Variants in MACROD2 observed in about 807,000 individuals in gnomAD.
MACROD2 encodes ADP-ribose glycohydrolase MACROD2.
MACROD2 carries 36 observed loss-of-function variants against 70.4 expected under a neutral mutation model. The ratio of observed to expected loss-of-function variants is 0.51; its 90% confidence interval spans 0.39 to 0.68. The LOEUF is 0.68. Ranked by LOEUF, MACROD2 falls within the 30% of genes least tolerant of loss-of-function variation. The pLI, the probability that MACROD2 is intolerant of heterozygous loss-of-function variation, is 0.00. For synonymous variants in MACROD2, 172 were observed against 178.8 expected, an observed-to-expected ratio of 0.96 and a Z score of 0.30; for missense variants, 496 against 538.4, an observed-to-expected ratio of 0.92 and a Z score of 0.78.
At chr20:15,496,759 A>T (rs189694298) in intron 7 of MACROD2, among the ~76,000 whole-genome samples, 1 of 152,360 alleles carries the variant, frequency 6.6e-6, no homozygotes, top group African/African-American at 2.4e-5. Context: ...AATGTGTAAC[A>T]CAAAGCTAAG....
At chr20:15,774,134 C>T (rs80315683) in intron 8 of MACROD2, among the ~76,000 whole-genome samples, 2,384 of 152,194 alleles carry the variant, frequency 0.016, 66 homozygotes, top group African/African-American at 0.053. Context: ...CTTTTCTGTG[C>T]TCTAAGACAG....
chr20:15,750,829 A>C (rs1300852503), intron 8 of MACROD2, among the ~76,000 whole-genome samples: 1 of 150,430 alleles, frequency 6.6e-6, no homozygotes, highest in Non-Finnish European at 1.5e-5. Context: ...GACAACATGG[A>C]TGGATCTGGA....
chr20:14,259,527 A>G (rs1015323109), intron 3 of MACROD2, among the ~76,000 whole-genome samples: 7 of 152,168 alleles, frequency 4.6e-5, no homozygotes, highest in African/African-American at 1.7e-4. Flanking sequence ...ATTTAGTTTC[A>G]ATGTAACTGG....
chr20:14,257,814 C>T (rs930273029), intron 3 of MACROD2, among the ~76,000 whole-genome samples: 4 of 151,864 alleles, frequency 2.6e-5, no homozygotes, highest in African/African-American at 4.8e-5. Context: ...TGGTAATTAC[C>T]GAGCTTTTGG....
At chr20:14,685,982 G>A (rs1336947521) in intron 5 of MACROD2, among the ~76,000 whole-genome samples, 1 of 152,088 alleles carries the variant, frequency 6.6e-6, no homozygotes, top group Non-Finnish European at 1.5e-5. Flanking sequence ...TTACTGTAAA[G>A]GTATGTTTAA....
At chr20:15,912,494 T>G (rs982867885) in intron 10 of MACROD2, among the ~76,000 whole-genome samples, 1 of 152,226 alleles carries the variant, frequency 6.6e-6, no homozygotes, top group African/African-American at 2.4e-5. Context: ...AAAACCTGAT[T>G]TTGAGATTCA....
intron 3 of MACROD2, among the ~76,000 whole-genome samples, chr20:14,486,906 A>G (rs1415447010): frequency 6.6e-6 from 1 of 152,036 alleles, no homozygotes; most frequent in East Asian, 1.9e-4. Context: ...CATTTACTTT[A>G]TGGGCTTACA....
intron 15 of MACROD2, among the ~76,000 whole-genome samples, chr20:16,020,373 G>A (rs575794497): frequency 6.6e-6 from 1 of 151,890 alleles, no homozygotes; most frequent in African/African-American, 2.4e-5. Flanking sequence ...AACTTTGTCT[G>A]GAAATATCTC....
At chr20:14,569,760 C>T (rs563898592) in intron 4 of MACROD2, among the ~76,000 whole-genome samples, 3 of 151,704 alleles carry the variant, frequency 2.0e-5, no homozygotes, top group Non-Finnish European at 2.9e-5. Flanking sequence ...CTTTGGGTCC[C>T]GGGACTAGCA....
chr20:15,211,679 T>C (rs1483295443), intron 5 of MACROD2, among the ~76,000 whole-genome samples: 2 of 151,646 alleles, frequency 1.3e-5, no homozygotes, highest in Non-Finnish European at 2.9e-5. Flanking sequence ...GTAAGCGTCC[T>C]GAGTCCCTCA....
chr20:15,695,051 T>C (rs1030370723), intron 8 of MACROD2, among the ~76,000 whole-genome samples: 6 of 152,194 alleles, frequency 3.9e-5, no homozygotes, highest in Non-Finnish European at 5.9e-5. Context: ...TATTTATGGG[T>C]TCTCTATTCC....
intron 3 of MACROD2, among the ~76,000 whole-genome samples, chr20:14,152,976 A>T (rs916472268): frequency 2.0e-5 from 3 of 152,204 alleles, no homozygotes; most frequent in Non-Finnish European, 1.5e-5. Context: ...ATTTACTTTG[A>T]TCATAAATTT....
chr20:14,790,569 C>T (rs1418409689), intron 5 of MACROD2, among the ~76,000 whole-genome samples: 1 of 152,062 alleles, frequency 6.6e-6, no homozygotes, highest in African/African-American at 2.4e-5. Context: ...TGAGGCTTTT[C>T]AGGGATTAAT....
chr20:14,649,991 G>A lies in MACROD2; in HGVS notation c.302-34852G>A, dbSNP rs1213429920. ...TCTGAAGATTAAAGCCCTTAGTTGA[G>A]CCAATACCTTCCTTCTCAGATAAGT... On this transcript the variant is annotated intron_variant, in intron 4 of 17. Transcript: ENST00000684519. Among the ~76,000 whole-genome samples, 3 of 152,138 alleles carry A rather than the reference G, an allele frequency of 2.0e-5. 1 individual carries two copies. The highest frequency in any genetic ancestry group is 4.4e-5 in the Non-Finnish European group (3 of 68,022).
intron 3 of MACROD2, among the ~76,000 whole-genome samples, chr20:14,384,400 C>A (rs1475169908): frequency 6.6e-6 from 1 of 152,114 alleles, no homozygotes; most frequent in Admixed American, 6.5e-5. Context: ...TGGCACCAGA[C>A]ATAATTGGCA....
At chr20:14,165,386 A>C (rs953160735) in intron 3 of MACROD2, among the ~76,000 whole-genome samples, 6 of 152,116 alleles carry the variant, frequency 3.9e-5, no homozygotes, top group African/African-American at 1.4e-4. Flanking sequence ...AGCTGATCTC[A>C]GTCAAGCAGG....
intron 3 of MACROD2, among the ~76,000 whole-genome samples, chr20:14,247,627 A>T (rs2081977836): frequency 6.6e-6 from 1 of 152,204 alleles, no homozygotes; most frequent in South Asian, 2.1e-4. Context: ...TGCCGACGTG[A>T]TGCCACAAGT....
At chr20:14,982,173 G>A (rs1418180638) in intron 5 of MACROD2, among the ~76,000 whole-genome samples, 1 of 152,136 alleles carries the variant, frequency 6.6e-6, no homozygotes, top group Non-Finnish European at 1.5e-5. Flanking sequence ...TTGAACTTGA[G>A]AGAGATGATT....
At chr20:15,106,551 A>T (rs1271237419) in intron 5 of MACROD2, among the ~76,000 whole-genome samples, 1 of 152,202 alleles carries the variant, frequency 6.6e-6, no homozygotes, top group Non-Finnish European at 1.5e-5. Context: ...CCTCAGAAGA[A>T]ATTATGAATT....
Sources: allele counts gnomAD v4.1 joint callset (sites outside exome capture counted in the v4.1 genomes callset), GRCh38; gene constraint gnomAD v4.1.1; transcripts MANE v1.5; gene names NCBI Gene and HGNC (gene_info 2026-07-23, HGNC 2026-07-21).